Variants in MIA observed in about 807,000 individuals in gnomAD.
MIA encodes the protein melanoma-derived growth regulatory protein.
A neutral mutation model predicts 18.5 loss-of-function variants in MIA; 18 were observed. The observed-to-expected ratio is 0.97, with a 90% confidence interval of 0.67 to 1.44. The LOEUF (loss-of-function observed/expected upper bound fraction) is 1.44. MIA is among the 40% of genes most tolerant of loss of function. The pLI is 0.00. For synonymous variants in MIA, 55 were observed against 64.9 expected (o/e 0.85, Z 0.74); for missense variants, 158 against 172.4 (o/e 0.92, Z 0.47).
chr19:40,777,226 T>TA, intron 3 of MIA, 147 bp downstream of exon 3: 1 of 1,096,812 alleles, frequency 9.1e-7, no homozygotes, highest in Non-Finnish European at 1.4e-6. Flanking sequence ...TTCTCACCAG[T>TA]AAAATGGGTC....
rs759536051 is a variant in MIA, at chr19:40,777,410, A to T, written c.386A>T (p.Tyr129Phe). 1.9e-6 allele frequency: 3 copies of T among 1,613,380 alleles called. No homozygotes were observed. In the South Asian group the frequency reaches 3.3e-5, roughly 18 times the overall value. The change falls in exon 4 of 4, where the codon TAC (tyrosine) becomes TTC (phenylalanine). Residue 129 changes from tyrosine to phenylalanine, a missense_variant. Tyr to Phe is a conservative substitution (Grantham distance 22, BLOSUM62 3). Transcript: ENST00000263369. ...VDVKTDKWDFYCQ is the reference protein window; with the variant it reads ...VDVKTDKWDFFCQ ...TCTCTTTTTCAGAAATGGGATTTCT[A>T]CTGCCAGTGAGCTCAGCCTACCGCT... is the stretch of plus-strand genomic sequence containing the variant.
chr19:40,776,190 C>T (rs1472745552), intron 2 of MIA, among the ~76,000 whole-genome samples: 1 of 151,998 alleles, frequency 6.6e-6, no homozygotes, highest in African/African-American at 2.4e-5. Flanking sequence ...CCACACCTGG[C>T]TAATTTTTGT....
chr19:40,775,962 AG>A (rs1266575757), intron 2 of MIA, 77 bp downstream of exon 2: 4 of 1,544,452 alleles, frequency 2.6e-6, no homozygotes, highest in Admixed American at 3.6e-5. Context: ...GGAAGATTTG[AG>A]GGGGGTGAAC....
intron 2 of MIA, 106 bp from the exon 3 acceptor site, chr19:40,776,863 A>T (rs2083000784): frequency 1.4e-6 from 1 of 712,272 alleles, no homozygotes; most frequent in African/African-American, 1.8e-5. Flanking sequence ...TATGACAAGG[A>T]TGGAGCAGTT....
chr19:40,775,712 T>C (rs763874929), intron 1 of MIA, 40 bp from the exon 2 acceptor site: 1 of 1,614,044 alleles, frequency 6.2e-7, no homozygotes, highest in Admixed American at 1.7e-5. Flanking sequence ...GGCGTTAGCC[T>C]GTGTGGAGGG....
intron 2 of MIA, 104 bp downstream of exon 2, chr19:40,775,989 G>T: frequency 2.2e-6 from 3 of 1,381,154 alleles, no homozygotes; most frequent in Non-Finnish European, 2.0e-6. Context: ...TAGACATTGT[G>T]GGGGGATATT....
chr19:40,775,200 G>A (rs926283579), upstream of MIA: 2 of 231,690 alleles, frequency 8.6e-6, no homozygotes, highest in Admixed American at 5.1e-5. Flanking sequence ...AGGGGACAGC[G>A]GAGGAGCCCA....
chr19:40,775,709 G>A, intron 1 of MIA, 40 bp downstream of exon 1: 1 of 1,614,142 alleles, frequency 6.2e-7, no homozygotes, highest in Non-Finnish European at 8.5e-7. Context: ...TTGGGCGTTA[G>A]CCTGTGTGGA....
rs2082993235 is a variant in MIA, at chr19:40,775,986, T to C, written c.261+101T>C. 5 of 1,330,904 alleles carry C rather than the reference T, an allele frequency of 3.8e-6. No homozygotes were observed. The East Asian group carries it at 7.4e-5, about 20-fold the overall frequency. The allele number at this position is 1,330,904 out of a possible 1,614,324, so 82.4% of individuals were successfully genotyped here. A position where few individuals can be genotyped will look rare whatever the true frequency, so the allele number is the denominator to read the frequency against. ...GAGGGGGGTGAACTGAAATAGACATTGTGGGGGGATATTGTTACTTACTTT... is the reference window on the plus strand; with the variant it reads ...GAGGGGGGTGAACTGAAATAGACATCGTGGGGGGATATTGTTACTTACTTT... On this transcript the variant is annotated intron_variant, in intron 2 of 3. Transcript: ENST00000263369.
chr19:40,775,963 G>C, intron 2 of MIA, 78 bp downstream of exon 2: 1 of 1,542,882 alleles, frequency 6.5e-7, no homozygotes, highest in South Asian at 1.2e-5. Flanking sequence ...GAAGATTTGA[G>C]GGGGGTGAAC....
Position 40,775,597 on chromosome 19 carries a change from G to A in MIA, c.55G>A (p.Gly19Arg), listed in dbSNP as rs762554197. The change falls in exon 1 of 4, where the codon GGA becomes AGA. Residue 19 changes from glycine (G) to arginine (R), a missense_variant. Transcript: ENST00000263369. ...GVIILLSAFSGPGVRGGPMPK... is the reference protein window; with the variant it reads ...GVIILLSAFSRPGVRGGPMPK... ...CATCATCTTGCTGTCTGCCTTCTCC[G>A]GACCTGGTGTCAGGGGTGGTCCTAT... The A allele has an allele frequency of 2.4e-5, 39 of 1,613,998 alleles. No individual in the cohort carries two copies. Among genetic ancestry groups the A allele is most frequent in the Non-Finnish European group, 3.2e-5 (38 of 1,180,036 alleles).
intron 2 of MIA, 163 bp from the exon 3 acceptor site, chr19:40,776,806 G>A (rs2083000325): frequency 3.5e-6 from 2 of 570,154 alleles, no homozygotes; most frequent in Non-Finnish European, 6.3e-6. Context: ...ACTTACTTGG[G>A]TGTTCAGAAA....
Position 40,775,640 on chromosome 19 carries a change from G to C in MIA, c.98G>C (p.Arg33Pro), listed in dbSNP as rs927980464. 1 of 1,614,154 alleles carries C rather than the reference G, an allele frequency of 6.2e-7. No homozygotes were observed. The highest frequency in any genetic ancestry group is 1.7e-5 in the Admixed American group (1 of 60,008). The change falls in exon 1 of 4, where the codon CGG becomes CCG. Residue 33 changes from arginine to proline, a missense_variant. Transcript: ENST00000263369. ...GGTCCTATGCCCAAGCTGGCTGACC[G>C]GAAGCTGTGTGCGGACCAGGAGTGC... is the stretch of plus-strand genomic sequence containing the variant. The part of the protein sequence containing the change: ...RGGPMPKLAD[R>P]KLCADQECSH...
At position 40,775,807 on chromosome 19, in the gene MIA, C is replaced by T; in HGVS notation, c.183C>T (p.Phe61=). 1 of 1,614,100 alleles carries T rather than the reference C, an allele frequency of 6.2e-7. No homozygotes were observed. The highest frequency in any genetic ancestry group is 8.5e-7 in the Non-Finnish European group (1 of 1,180,026). ...ACTACATGGCCCCCGACTGCCGATTCCTGACCATTCACCGGGGCCAAGTGG... is the reference window on the plus strand; with the variant it reads ...ACTACATGGCCCCCGACTGCCGATTTCTGACCATTCACCGGGGCCAAGTGG... ...LQDYMAPDCR[F]LTIHRGQVVY... Residue 61 remains phenylalanine (F), a synonymous_variant, in exon 2 of 4, where the codon TTC becomes TTT. Transcript: ENST00000263369.
At chr19:40,775,332 TG>T, upstream of MIA, 1 of 704,206 alleles carries the variant, frequency 1.4e-6, no homozygotes, top group Non-Finnish European at 2.3e-6. Context: ...GGACCTTATC[TG>T]GGAATTTCCT....
At chr19:40,775,506 A>T, upstream of MIA, 1 of 1,613,068 alleles carries the variant, frequency 6.2e-7, no homozygotes. Context: ...TGGAGACCCC[A>T]GCACCCCCTT....
In MIA at chr19:40,775,640, G is replaced by A; in HGVS notation, c.98G>A (p.Arg33Gln). Residue 33 changes from arginine to glutamine, a missense_variant, in exon 1 of 4, where the codon CGG (arginine) becomes CAG (glutamine). Transcript: ENST00000263369. ...GGTCCTATGCCCAAGCTGGCTGACCGGAAGCTGTGTGCGGACCAGGAGTGC... is the reference window on the plus strand; with the variant it reads ...GGTCCTATGCCCAAGCTGGCTGACCAGAAGCTGTGTGCGGACCAGGAGTGC... ...RGGPMPKLADRKLCADQECSH... is the reference protein window; with the variant it reads ...RGGPMPKLADQKLCADQECSH... 9 of 1,614,154 alleles carry A rather than the reference G, an allele frequency of 5.6e-6. No homozygotes were observed. Among genetic ancestry groups the A allele is most frequent in the South Asian group, 3.3e-5 (3 of 91,078 alleles).
Position 40,775,680 on chromosome 19 carries a change from G to A in MIA, c.127+11G>A, listed in dbSNP as rs1223930289. On this transcript the variant is annotated intron_variant, in intron 1 of 3. Transcript: ENST00000263369. ...ACCAGGAGTGCAGCCGTAAGAATGG[G>A]GAGGGGAGAATTGGGGGCTTGGGCG... 5.0e-6 allele frequency: 8 copies of A among 1,614,040 alleles called. No homozygotes were observed. The highest frequency in any genetic ancestry group is 5.9e-6 in the Non-Finnish European group (7 of 1,180,042).
At position 40,775,866 on chromosome 19, in the gene MIA, G is replaced by A. The variant is rs200289498; in HGVS notation, c.242G>A (p.Arg81Gln). The change falls in exon 2 of 4, where the codon CGG becomes CAG. Residue 81 changes from arginine (R) to glutamine (Q), a missense_variant. Arg to Gln is a conservative substitution (Grantham distance 43). Coordinates refer to ENST00000263369, the MANE Select transcript of MIA (RefSeq NM_006533.4). ...TTCTCCAAGCTGAAGGGCCGTGGGCGGCTCTTCTGGGGAGGCAGCGTGAGT... is the reference window on the plus strand; with the variant it reads ...TTCTCCAAGCTGAAGGGCCGTGGGCAGCTCTTCTGGGGAGGCAGCGTGAGT... ...YVFSKLKGRG[R>Q]LFWGGSVQGD... 42 of 1,613,920 alleles carry A rather than the reference G, an allele frequency of 2.6e-5. No homozygotes were observed. The highest frequency in any genetic ancestry group is 3.0e-5 in the Non-Finnish European group (35 of 1,180,024).
Sources: allele counts gnomAD v4.1 joint callset (sites outside exome capture counted in the v4.1 genomes callset), GRCh38; gene constraint gnomAD v4.1.1; transcripts MANE v1.5; gene names NCBI Gene and HGNC (gene_info 2026-07-23, HGNC 2026-07-21).